KLHL28: variants seen among roughly 807,000 people sequenced by gnomAD.
KLHL28 encodes the protein kelch like family member 28.
KLHL28 carries 22 observed loss-of-function variants against 48.3 expected under a neutral mutation model. That is an observed-to-expected ratio of 0.46 (90% CI 0.33 to 0.65). KLHL28 has a LOEUF of 0.65. Ranked by LOEUF, KLHL28 falls within the 30% of genes least tolerant of loss-of-function variation. The pLI, the probability that KLHL28 is intolerant of heterozygous loss-of-function variation, is 0.03. For synonymous variants in KLHL28, 243 were observed against 242.4 expected (o/e 1.00, Z -0.02); for missense variants, 527 against 704.3 (o/e 0.75, Z 2.85).
rs1883348186 is a variant in KLHL28, at chr14:44,925,541, T to G, written c.*3487A>C. The stretch of plus-strand genomic sequence containing the variant: ...ACGATGTCAGAGATAAGGAATTAGA[T>G]TCATCCTTCACCAAAATAGTTATTA... On this transcript the variant is annotated 3_prime_UTR_variant, in exon 5 of 5. Transcript: ENST00000396128. The G allele has an allele frequency of 6.6e-6, 1 of 152,098 alleles. No individual in the cohort carries two copies. The highest frequency in any genetic ancestry group is 1.5e-5 in the Non-Finnish European group (1 of 67,956). 9.4% of individuals were successfully genotyped at this position (152,098 alleles called of 1,614,324 possible). A position where few individuals can be genotyped will look rare whatever the true frequency, so the allele number is the denominator to read the frequency against.
Position 44,927,675 on chromosome 14 carries a change from T to G in KLHL28, c.*1353A>C, listed in dbSNP as rs983687084. ...CAATTTTGCTTTAAAAGATCATTTC[T>G]TTAATCAAAGTAGAACTCAACTTAG... On this transcript the variant is annotated 3_prime_UTR_variant, in exon 5 of 5. Coordinates refer to ENST00000396128, the MANE Select transcript of KLHL28 (RefSeq NM_017658.5). The G allele has an allele frequency of 1.3e-5, 2 of 152,632 alleles. No individual in the cohort carries two copies. Among genetic ancestry groups the G allele is most frequent in the Admixed American group, 6.5e-5 (1 of 15,284 alleles). The allele number at this position is 152,632 out of a possible 1,614,324, so 9.5% of individuals were successfully genotyped here.
chr14:44,960,813 T>C, intron 1 of KLHL28: 1 of 676,654 alleles, frequency 1.5e-6, no homozygotes, highest in Non-Finnish European at 2.3e-6. Flanking sequence ...GCTGGGAGCA[T>C]TATTTATAAA....
chr14:44,936,928 T>C (rs1317404796), intron 2 of KLHL28, among the ~76,000 whole-genome samples: 1 of 152,100 alleles, frequency 6.6e-6, no homozygotes, highest in African/African-American at 2.4e-5. Flanking sequence ...AAAGACTCAT[T>C]GGAGGGTGTG....
intron 2 of KLHL28, among the ~76,000 whole-genome samples, chr14:44,935,444 CTTAAAA>C (rs1427794350): frequency 1.3e-5 from 2 of 152,010 alleles, no homozygotes; most frequent in East Asian, 1.9e-4. Flanking sequence ...CACTTTAATA[CTTAAAA>C]TTAAAATTTT....
intron 1 of KLHL28, chr14:44,961,195 A>C (rs555145578): frequency 3.4e-6 from 1 of 295,220 alleles, no homozygotes; most frequent in East Asian, 5.7e-5. Context: ...CCATGATGCC[A>C]AGAACTTCCA....
At chr14:44,960,837 TG>T in intron 1 of KLHL28, 1 of 1,016,938 alleles carries the variant, frequency 9.8e-7, no homozygotes, top group Non-Finnish European at 1.4e-6. Context: ...GTTTGGCATA[TG>T]TGACTCATTT....
intron 1 of KLHL28, among the ~76,000 whole-genome samples, chr14:44,954,722 G>T (rs1884724469): frequency 6.6e-6 from 1 of 152,172 alleles, no homozygotes; most frequent in Non-Finnish European, 1.5e-5. Context: ...AGAGGATAGA[G>T]ATAGAAGGTA....
intron 2 of KLHL28, 117 bp downstream of exon 2, chr14:44,944,913 A>C: frequency 1.3e-6 from 1 of 775,636 alleles, no homozygotes; most frequent in Non-Finnish European, 2.0e-6. Context: ...AAAAACTAAA[A>C]AGAAGCAAAG....
At chr14:44,931,641 TAGAG>T (rs1393311596) in intron 3 of KLHL28, 100 bp from the exon 4 acceptor site, 2 of 802,132 alleles carry the variant, frequency 2.5e-6, no homozygotes, top group Non-Finnish European at 3.9e-6. Flanking sequence ...GTTCACATAA[TAGAG>T]AGATATTAAA....
intron 2 of KLHL28, among the ~76,000 whole-genome samples, chr14:44,944,449 GAC>G (rs1884236218): frequency 6.6e-6 from 1 of 151,964 alleles, no homozygotes; most frequent in South Asian, 2.1e-4. Flanking sequence ...GAAAAAGTCT[GAC>G]AATTCCTAAT....
intron 1 of KLHL28, among the ~76,000 whole-genome samples, chr14:44,950,546 C>T (rs1472898128): frequency 6.6e-6 from 1 of 152,108 alleles, no homozygotes; most frequent in Admixed American, 6.5e-5. Flanking sequence ...TGTATGTACA[C>T]ACACAACACA....
intron 2 of KLHL28, among the ~76,000 whole-genome samples, chr14:44,935,780 G>A (rs1202171888): frequency 1.3e-5 from 2 of 149,970 alleles, no homozygotes; most frequent in Non-Finnish European, 3.0e-5. Flanking sequence ...TTAATAGTCT[G>A]TGAAGCTGGT....
intron 1 of KLHL28, chr14:44,959,347 T>C (rs1459481312): frequency 1.3e-5 from 2 of 152,166 alleles, no homozygotes; most frequent in African/African-American, 2.4e-5. Context: ...GTACCTAGCA[T>C]GGTGCATGGC....
chr14:44,943,186 T>C (rs979504259), intron 2 of KLHL28, among the ~76,000 whole-genome samples: 34 of 152,216 alleles, frequency 2.2e-4, no homozygotes, highest in African/African-American at 8.0e-4. Flanking sequence ...TCAAAAATTT[T>C]TACACTATAA....
Position 44,947,634 on chromosome 14 carries a change from A to G in KLHL28, c.1-1706T>C, listed in dbSNP as rs143405736. Reference sequence around the variant, plus strand: ...CATCTTAAAACCATCAATTCTATAAATTCAAACATTTTGAACACTATTGAG... The same window carrying G: ...CATCTTAAAACCATCAATTCTATAAGTTCAAACATTTTGAACACTATTGAG... On this transcript the variant is annotated intron_variant, in intron 1 of 4. Transcript: ENST00000396128. Among the ~76,000 whole-genome samples, 1,019 of 152,320 alleles carry G rather than the reference A, an allele frequency of 6.7e-3. 5 individuals carry two copies. Among genetic ancestry groups the G allele is most frequent in the Non-Finnish European group, 0.011 (716 of 68,026 alleles).
chr14:44,947,608 C>T (rs1884393117), intron 1 of KLHL28, among the ~76,000 whole-genome samples: 2 of 152,268 alleles, frequency 1.3e-5, no homozygotes, highest in East Asian at 1.9e-4. Flanking sequence ...CATTTGGTTT[C>T]CATCTTAAAA....
intron 1 of KLHL28, among the ~76,000 whole-genome samples, chr14:44,954,258 A>G (rs1380902666): frequency 1.3e-5 from 2 of 152,170 alleles, no homozygotes; most frequent in Non-Finnish European, 2.9e-5. Flanking sequence ...TTTTCCTTTG[A>G]CCCAAAAACC....
chr14:44,949,545 C>T (rs1884485706), intron 1 of KLHL28, among the ~76,000 whole-genome samples: 1 of 151,916 alleles, frequency 6.6e-6, no homozygotes, highest in South Asian at 2.1e-4. Flanking sequence ...TGGAATGAGG[C>T]CTAGAGGGAT....
chr14:44,940,196 A>G (rs1231182169), intron 2 of KLHL28, among the ~76,000 whole-genome samples: 4 of 152,174 alleles, frequency 2.6e-5, no homozygotes, highest in African/African-American at 9.7e-5. Flanking sequence ...TACTCTCACA[A>G]TAATAGCATT....
Sources: gnomAD v4.1 joint callset for allele counts (sites outside exome capture counted in the v4.1 genomes callset) on GRCh38, gnomAD v4.1.1 for gene constraint, MANE v1.5 for transcripts, NCBI Gene and HGNC (gene_info 2026-07-23, HGNC 2026-07-21) for gene names.